Variants in TBCK observed in about 807,000 individuals in gnomAD.
The protein encoded by TBCK is TBC domain-containing protein kinase-like protein.
TBCK carries 99 observed loss-of-function variants against 113.4 expected under a neutral mutation model. The observed-to-expected ratio is 0.87, with a 90% CI of 0.74 to 1.03. The LOEUF (loss-of-function observed/expected upper bound fraction) is 1.03, where lower values mean the gene tolerates loss of function less well. Ranked by LOEUF, TBCK falls within the 50% of genes least tolerant of loss-of-function variation. The pLI is 0.00. For missense variants in TBCK, 1,045 were observed against 1,061.3 expected, an observed-to-expected ratio of 0.98 and a Z score of 0.21; for synonymous variants, 369 against 370.8, an observed-to-expected ratio of 1.00 and a Z score of 0.05.
chr4:106,251,576 A>AT (rs1761430865), intron 6 of TBCK, among the ~76,000 whole-genome samples: 1 of 151,956 alleles, frequency 6.6e-6, no homozygotes, highest in Admixed American at 6.6e-5. Flanking sequence ...CATATATCTT[A>AT]TATAACTTAA....
chr4:106,197,386 A>AGTGTGTGT (rs70941239), intron 20 of TBCK, among the ~76,000 whole-genome samples: 18 of 119,036 alleles, frequency 1.5e-4, no homozygotes, highest in African/African-American at 4.3e-4. Context: ...AACATATCTG[A>AGTGTGTGT]GTGTGTGTGT....
chr4:106,282,738 T>C (rs1460829245), intron 3 of TBCK, among the ~76,000 whole-genome samples: 1 of 152,158 alleles, frequency 6.6e-6, no homozygotes. Flanking sequence ...TAAGTTAGAT[T>C]GATTCACAAT....
intron 25 of TBCK, among the ~76,000 whole-genome samples, chr4:106,084,926 C>T (rs957033362): frequency 6.6e-6 from 1 of 152,108 alleles, no homozygotes; most frequent in Non-Finnish European, 1.5e-5. Flanking sequence ...GCAAGAGCTC[C>T]TGAAAGAAGC....
chr4:106,245,952 T>C (rs1430669919), intron 10 of TBCK, among the ~76,000 whole-genome samples: 1 of 152,132 alleles, frequency 6.6e-6, no homozygotes, highest in Non-Finnish European at 1.5e-5. Flanking sequence ...GAAAAAAACA[T>C]CTGGAATTTT....
chr4:106,129,518 C>T (rs1473450061), intron 23 of TBCK, among the ~76,000 whole-genome samples: 4 of 151,976 alleles, frequency 2.6e-5, no homozygotes, highest in Admixed American at 6.6e-5. Flanking sequence ...GAAACATTTA[C>T]GTGTATAGCA....
rs549636231 is a variant in TBCK at position 106,223,555 on chromosome 4, C to T, written c.1774+6808G>A. Among the ~76,000 whole-genome samples the T allele has an allele frequency of 2.6e-5, 4 of 152,164 alleles. No individual in the cohort carries two copies. The South Asian group carries it at 8.3e-4, about 32-fold the overall frequency. ...GTACTATATTAAATGTTGGGGACAT[C>T]ACAGTGAAGAACATACGATTCTTTC... On this transcript the variant is annotated intron_variant, in intron 19 of 25. Transcript: ENST00000394708.
intron 23 of TBCK, among the ~76,000 whole-genome samples, chr4:106,165,861 G>A (rs886845972): frequency 5.3e-5 from 8 of 151,648 alleles, no homozygotes; most frequent in Non-Finnish European, 8.9e-5. Context: ...TTGAAACCAA[G>A]TCCATCTAAC....
At chr4:106,157,917 C>T (rs191196294) in intron 23 of TBCK, among the ~76,000 whole-genome samples, 2 of 152,036 alleles carry the variant, frequency 1.3e-5, no homozygotes, top group Non-Finnish European at 2.9e-5. Context: ...TGATACAGTT[C>T]TTGATCTTTA....
intron 10 of TBCK, among the ~76,000 whole-genome samples, chr4:106,245,156 G>A (rs1760656445): frequency 6.6e-6 from 1 of 152,158 alleles, no homozygotes; most frequent in Non-Finnish European, 1.5e-5. Flanking sequence ...GTGTGGACAA[G>A]TCTGAGAGTT....
intron 22 of TBCK, among the ~76,000 whole-genome samples, chr4:106,188,412 A>G (rs972435969): frequency 1.3e-5 from 2 of 152,194 alleles, no homozygotes; most frequent in African/African-American, 4.8e-5. Flanking sequence ...TTGCAAATCT[A>G]AGGCACATAT....
intron 12 of TBCK, among the ~76,000 whole-genome samples, chr4:106,241,137 C>T (rs991739697): frequency 2.0e-5 from 3 of 151,656 alleles, no homozygotes; most frequent in Non-Finnish European, 2.9e-5. Flanking sequence ...AAAAATCATA[C>T]TCATACTTAC....
At position 106,095,060 on chromosome 4, in the gene TBCK, C is replaced by T. The variant is rs112683858; in HGVS notation, c.2571+422G>A. Among the ~76,000 whole-genome samples, 336 of 152,274 alleles carry T rather than the reference C, an allele frequency of 2.2e-3. 2 individuals carry two copies. Among genetic ancestry groups the T allele is most frequent in the African/African-American group, 7.1e-3 (294 of 41,566 alleles). ...TGTTTCATGTACTTCTCATGTCTGA[C>T]AGTTGACATTCTCCCTGAATTCTCT... On this transcript the variant is annotated intron_variant, in intron 25 of 25. Transcript: ENST00000394708.
At chr4:106,218,278 C>A (rs1252792809) in intron 19 of TBCK, among the ~76,000 whole-genome samples, 3 of 150,630 alleles carry the variant, frequency 2.0e-5, no homozygotes, top group Admixed American at 6.6e-5. Context: ...AGAAGAAAAC[C>A]TAGGCAATAC....
At chr4:106,101,991 C>T (rs528525856) in intron 24 of TBCK, among the ~76,000 whole-genome samples, 1 of 152,224 alleles carries the variant, frequency 6.6e-6, no homozygotes, top group African/African-American at 2.4e-5. Context: ...CTTTGAAATT[C>T]TCAAAATATA....
chr4:106,241,612 T>C lies in TBCK; in HGVS notation c.1170+858A>G, dbSNP rs1341434870. Reference sequence around the variant, plus strand: ...ATATACATAGAAAAAGTTGGTATTATAGATCAAAAAAGTGAAGAGAAAACT... The same window carrying C: ...ATATACATAGAAAAAGTTGGTATTACAGATCAAAAAAGTGAAGAGAAAACT... On this transcript the variant is annotated intron_variant, in intron 12 of 25. Transcript: ENST00000394708. Among the ~76,000 whole-genome samples the C allele has an allele frequency of 6.6e-5, 10 of 151,952 alleles. No homozygotes were observed. In the East Asian group the frequency reaches 1.7e-3, roughly 26 times the overall value.
At position 106,236,518 on chromosome 4, in the gene TBCK, G is replaced by T; in HGVS notation, c.1222C>A (p.Gln408Lys). Residue 408 changes from glutamine (Q) to lysine (K), a missense_variant and splice_region_variant, in exon 14 of 26, where the codon CAG becomes AAG. Transcript: ENST00000394708. ...EAFYPLLEDD[Q>K]SNLPHSNSNN... The stretch of plus-strand genomic sequence containing the variant: ...CTGTTTGAATGAGGTAAATTAGACT[G>T]GCTGTAAAAGAGAACAAAAGCAATA... The T allele has an allele frequency of 6.7e-7, 1 of 1,499,364 alleles. No homozygotes were observed. The allele number at this position is 1,499,364 out of a possible 1,614,324, so 92.9% of individuals were successfully genotyped here.
At chr4:106,185,370 G>T (rs895147786) in intron 22 of TBCK, among the ~76,000 whole-genome samples, 1 of 151,930 alleles carries the variant, frequency 6.6e-6, no homozygotes, top group East Asian at 1.9e-4. Flanking sequence ...CTCTTACCAC[G>T]AAATTTTAAG....
intron 23 of TBCK, among the ~76,000 whole-genome samples, chr4:106,165,302 A>G (rs1041673858): frequency 3.3e-5 from 5 of 151,790 alleles, no homozygotes; most frequent in African/African-American, 9.7e-5. Flanking sequence ...CTGATGGGAA[A>G]GACTTTGGCA....
chr4:106,301,702 G>C lies in TBCK; in HGVS notation c.194-6536C>G, dbSNP rs370288443. On this transcript the variant is annotated intron_variant, in intron 2 of 25. Transcript: ENST00000394708. ...ATAATGTTACTAAAACAGACCACAT[G>C]TAACAAGAGTATGTGACTCCAAGTA... is the stretch of plus-strand genomic sequence containing the variant. Among the ~76,000 whole-genome samples, 12 of 152,138 alleles carry C rather than the reference G, an allele frequency of 7.9e-5. No individual in the cohort carries two copies. The East Asian group carries it at 1.9e-3, about 24-fold the overall frequency.
Sources: allele counts gnomAD v4.1 joint callset (sites outside exome capture counted in the v4.1 genomes callset), GRCh38; gene constraint gnomAD v4.1.1; transcripts MANE v1.5; gene names NCBI Gene and HGNC (gene_info 2026-07-23, HGNC 2026-07-21).